The following HS6ST3 variants were observed in gnomAD, a reference collection of about 807,000 sequenced individuals.
HS6ST3 encodes heparan-sulfate 6-O-sulfotransferase 3.
Under a neutral mutation model 36.7 loss-of-function variants are expected in HS6ST3, and 12 were observed. The ratio of observed to expected loss-of-function variants is 0.33; its 90% CI spans 0.21 to 0.53. The LOEUF (loss-of-function observed/expected upper bound fraction) is 0.53, where lower values mean the gene tolerates loss of function less well. HS6ST3 is among the 20% of genes least tolerant of loss of function. The pLI is 0.95. For missense variants in HS6ST3, 584 were observed against 640.9 expected (o/e 0.91, Z 0.96); for synonymous variants, 240 against 257.5 (o/e 0.93, Z 0.65).
chr13:96,642,598 A>G (rs1284542705), intron 1 of HS6ST3, among the ~76,000 whole-genome samples: 4 of 151,624 alleles, frequency 2.6e-5, no homozygotes, highest in Non-Finnish European at 5.9e-5. Context: ...TCTGTTTCCT[A>G]CCTAGATAAT....
intron 1 of HS6ST3, among the ~76,000 whole-genome samples, chr13:96,280,993 G>C (rs185367243): frequency 6.6e-6 from 1 of 152,140 alleles, no homozygotes; most frequent in East Asian, 1.9e-4. Flanking sequence ...CTCCCATGCA[G>C]CAACAGAAAT....
chr13:96,657,002 A>T (rs866057207), intron 1 of HS6ST3, among the ~76,000 whole-genome samples: 115 of 137,030 alleles, frequency 8.4e-4, no homozygotes, highest in African/African-American at 2.8e-3. Context: ...TGTGTGTGAG[A>T]GAGAGAGAGA....
intron 1 of HS6ST3, among the ~76,000 whole-genome samples, chr13:96,325,581 G>A (rs2055026657): frequency 6.6e-6 from 1 of 152,162 alleles, no homozygotes; most frequent in Admixed American, 6.5e-5. Flanking sequence ...AAGGATGTGT[G>A]TAGATTATAT....
chr13:96,211,999 C>T (rs944277001), intron 1 of HS6ST3, among the ~76,000 whole-genome samples: 3 of 152,232 alleles, frequency 2.0e-5, no homozygotes, highest in Non-Finnish European at 2.9e-5. Context: ...GTTAATTTCA[C>T]AATTTCTCTA....
At chr13:96,440,608 A>G (rs2055666018) in intron 1 of HS6ST3, among the ~76,000 whole-genome samples, 1 of 151,278 alleles carries the variant, frequency 6.6e-6, no homozygotes, top group Admixed American at 6.6e-5. Context: ...ACCACACTGA[A>G]GAAATAAAAC....
intron 1 of HS6ST3, among the ~76,000 whole-genome samples, chr13:96,320,626 TG>T (rs1566323355): frequency 6.6e-6 from 1 of 152,226 alleles, no homozygotes; most frequent in Non-Finnish European, 1.5e-5. Context: ...TTCTCTACAC[TG>T]GGGTGTATCT....
At chr13:96,695,011 A>G (rs1033418716) in intron 1 of HS6ST3, among the ~76,000 whole-genome samples, 1 of 152,214 alleles carries the variant, frequency 6.6e-6, no homozygotes, top group African/African-American at 2.4e-5. Flanking sequence ...GCTTGCTAGC[A>G]TATCAGCTAA....
At chr13:96,819,444 T>C (rs1456075940) in intron 1 of HS6ST3, among the ~76,000 whole-genome samples, 1 of 152,192 alleles carries the variant, frequency 6.6e-6, no homozygotes, top group African/African-American at 2.4e-5. Context: ...CCTTTTTCAG[T>C]TGATTTCAAA....
rs1414396398 is a variant in HS6ST3 at position 96,821,051 on chromosome 13, AC to A, written c.708-11438del. Reference sequence around the variant, plus strand: ...TTTAGGTGTGTTAAAAATGAATGCAACTGCAATAATTCTCCCTTGTCTCTAA... The same window carrying A: ...TTTAGGTGTGTTAAAAATGAATGCAATGCAATAATTCTCCCTTGTCTCTAA... On this transcript the variant is annotated intron_variant, in intron 1 of 1. Transcript: ENST00000376705. 3.9e-5 allele frequency among the ~76,000 whole-genome samples: 6 copies of A among 152,222 alleles called. No homozygotes were observed. In the East Asian group the frequency reaches 9.6e-4, roughly 24 times the overall value.
intron 1 of HS6ST3, among the ~76,000 whole-genome samples, chr13:96,647,599 A>G (rs1419163852): frequency 1.3e-5 from 2 of 152,082 alleles, no homozygotes; most frequent in East Asian, 1.9e-4. Flanking sequence ...TGAAAATCAT[A>G]TGGTGTAAGT....
At chr13:96,705,364 C>T (rs1875392093) in intron 1 of HS6ST3, among the ~76,000 whole-genome samples, 1 of 152,210 alleles carries the variant, frequency 6.6e-6, no homozygotes, top group African/African-American at 2.4e-5. Context: ...GGTAAAATGA[C>T]AAGAGTCAGG....
intron 1 of HS6ST3, among the ~76,000 whole-genome samples, chr13:96,349,531 C>T (rs1258078789): frequency 1.3e-5 from 2 of 152,182 alleles, no homozygotes; most frequent in Non-Finnish European, 2.9e-5. Flanking sequence ...TATAATACTT[C>T]AACCTCATGA....
At chr13:96,159,782 A>G (rs923977346) in intron 1 of HS6ST3, among the ~76,000 whole-genome samples, 8 of 152,206 alleles carry the variant, frequency 5.3e-5, no homozygotes, top group Admixed American at 1.3e-4. Flanking sequence ...ATGGAGTTCA[A>G]TCTGATAATA....
At chr13:96,811,839 C>T (rs967127866) in intron 1 of HS6ST3, among the ~76,000 whole-genome samples, 1 of 152,142 alleles carries the variant, frequency 6.6e-6, no homozygotes, top group Non-Finnish European at 1.5e-5. Context: ...GCTCAAGTCT[C>T]GGCTAAGCTA....
At chr13:96,630,667 G>T (rs2056528985) in intron 1 of HS6ST3, among the ~76,000 whole-genome samples, 1 of 152,078 alleles carries the variant, frequency 6.6e-6, no homozygotes, top group Non-Finnish European at 1.5e-5. Context: ...AGGGTCACAG[G>T]ATTTGGCTAA....
At chr13:96,100,396 A>T (rs1251672709) in intron 1 of HS6ST3, among the ~76,000 whole-genome samples, 1 of 152,188 alleles carries the variant, frequency 6.6e-6, no homozygotes, top group Admixed American at 6.5e-5. Context: ...AACTAGTTTG[A>T]GAGGTATGGA....
At chr13:96,424,632 G>A (rs1389795834) in intron 1 of HS6ST3, among the ~76,000 whole-genome samples, 1 of 152,140 alleles carries the variant, frequency 6.6e-6, no homozygotes, top group Non-Finnish European at 1.5e-5. Context: ...CGTAGATGGT[G>A]ACTTTTTCTG....
At chr13:96,155,422 C>G (rs2054105792) in intron 1 of HS6ST3, among the ~76,000 whole-genome samples, 1 of 152,048 alleles carries the variant, frequency 6.6e-6, no homozygotes, top group Admixed American at 6.6e-5. Flanking sequence ...ATCTTGGCCT[C>G]TGGGGCAAAA....
intron 1 of HS6ST3, among the ~76,000 whole-genome samples, chr13:96,826,441 G>T (rs1878649680): frequency 6.6e-6 from 1 of 152,122 alleles, no homozygotes; most frequent in African/African-American, 2.4e-5. Flanking sequence ...TCTGCTGTGA[G>T]TAGGCCTCTG....
Sources: allele counts gnomAD v4.1 joint callset (sites outside exome capture counted in the v4.1 genomes callset), GRCh38; gene constraint gnomAD v4.1.1; transcripts MANE v1.5; gene names NCBI Gene and HGNC (gene_info 2026-07-23, HGNC 2026-07-21).